IRAG2: variants seen among roughly 807,000 people sequenced by gnomAD.
IRAG2 encodes lymphoid restricted membrane protein.
Under a neutral mutation model 69.9 loss-of-function variants are expected in IRAG2, and 45 were observed. The ratio of observed to expected loss-of-function variants is 0.64; its 90% CI spans 0.51 to 0.83. IRAG2 has a LOEUF of 0.83. Ranked by LOEUF, IRAG2 falls within the 40% of genes least tolerant of loss-of-function variation. The pLI, the probability that IRAG2 is intolerant of heterozygous loss-of-function variation, is 0.00. For synonymous variants in IRAG2, 193 were observed against 202.4 expected, an observed-to-expected ratio of 0.95 and a Z score of 0.40; for missense variants, 520 against 587.0, an observed-to-expected ratio of 0.89 and a Z score of 1.18.
At chr12:25,022,456 T>C (rs1054265876) in intron 7 of IRAG2, among the ~76,000 whole-genome samples, 6 of 152,074 alleles carry the variant, frequency 3.9e-5, no homozygotes, top group Admixed American at 1.3e-4. Context: ...ATTGCACCAC[T>C]GCATTCCAGC....
rs1316127892 is a variant in IRAG2 at position 25,063,761 on chromosome 12, A to C, written c.-262A>C. The C allele has an allele frequency of 5.0e-6, 2 of 398,920 alleles. No homozygotes were observed. Among genetic ancestry groups the C allele is most frequent in the Non-Finnish European group, 8.8e-6 (2 of 226,062 alleles). 24.7% of individuals were successfully genotyped at this position (398,920 alleles called of 1,614,324 possible). A position where few individuals can be genotyped will look rare whatever the true frequency, so the allele number is the denominator to read the frequency against. ...AACTATATGGTGGTCAAGAAGCAAG[A>C]ATACATCAGACACCCCTGACCTTGA... On this transcript the variant is annotated 5_prime_UTR_variant, in exon 4 of 22. Coordinates refer to ENST00000556887, the MANE Select transcript of IRAG2 (RefSeq NM_001366544.2).
chr12:25,020,353 G>A (rs575495276), intron 6 of IRAG2, among the ~76,000 whole-genome samples: 1 of 152,138 alleles, frequency 6.6e-6, no homozygotes, highest in Non-Finnish European at 1.5e-5. Flanking sequence ...TCCCTCCATA[G>A]TATGTAAGCT....
intron 6 of IRAG2, chr12:25,020,735 C>A: frequency 2.3e-6 from 2 of 860,494 alleles, no homozygotes; most frequent in Non-Finnish European, 3.1e-6. Context: ...TTCTTAGTGT[C>A]TTTGACGGTT....
chr12:25,032,359 G>T (rs1021219980), exon 12 of IRAG2: 2 of 398,900 alleles, frequency 5.0e-6, no homozygotes, highest in Non-Finnish European at 8.8e-6. Flanking sequence ...CTTGCAACAG[G>T]CACTCATCAC....
At chr12:25,004,444 A>G (rs1308649900) in exon 1 of IRAG2, 3 of 1,232,018 alleles carry the variant, frequency 2.4e-6, no homozygotes, top group African/African-American at 3.1e-5. Context: ...TTCAAATCCA[A>G]TTCAGCAGAT....
At chr12:24,998,183 A>G in the IRAG2 span, among the ~76,000 whole-genome samples, 2 of 152,218 alleles carry the variant, frequency 1.3e-5, no homozygotes, top group African/African-American at 4.8e-5. Flanking sequence ...TCACTCTGCT[A>G]TTTTAGGAAT....
At chr12:25,103,241 T>C (rs1015873338) in intron 17 of IRAG2, 1 of 152,630 alleles carries the variant, frequency 6.6e-6, no homozygotes, top group African/African-American at 2.4e-5. Flanking sequence ...CAAGAAACAC[T>C]TTCATTCATT....
At chr12:25,014,155 G>A (rs866426484) in intron 3 of IRAG2, among the ~76,000 whole-genome samples, 6 of 151,748 alleles carry the variant, frequency 4.0e-5, no homozygotes, top group African/African-American at 9.7e-5. Context: ...GATTACAGGC[G>A]TGAGCCACCA....
At chr12:25,060,631 TAGG>T (rs1181875936) in intron 1 of IRAG2, among the ~76,000 whole-genome samples, 1 of 151,306 alleles carries the variant, frequency 6.6e-6, no homozygotes, top group Admixed American at 6.6e-5. Context: ...TCTTTATCAG[TAGG>T]AGGTCAGACT....
chr12:25,028,020 G>A (rs1365596136), intron 9 of IRAG2, among the ~76,000 whole-genome samples: 1 of 152,118 alleles, frequency 6.6e-6, no homozygotes, highest in Non-Finnish European at 1.5e-5. Flanking sequence ...CTGCCTCCAG[G>A]TTCAAGGGAT....
chr12:25,067,287 C>T (rs1049502967), intron 5 of IRAG2, among the ~76,000 whole-genome samples: 9 of 152,162 alleles, frequency 5.9e-5, no homozygotes, highest in Admixed American at 4.6e-4. Context: ...ACTGTAGTCT[C>T]AATACCACAC....
rs1235097771 is a variant in IRAG2 at position 25,079,695 on chromosome 12, T to C, written c.176T>C (p.Leu59Pro). 4 of 1,613,908 alleles carry C rather than the reference T, an allele frequency of 2.5e-6. No homozygotes were observed. The highest frequency in any genetic ancestry group is 3.4e-6 in the Non-Finnish European group (4 of 1,179,912). Residue 59 changes from leucine (L) to proline (P), a missense_variant, in exon 9 of 22, where the codon CTT becomes CCT. Transcript: ENST00000556887. ...ATTCTGAATATGGCTTCTTGTGACC[T>C]TGACAGAAACTCGCTCTGTAAGAAA... ...LEILNMASCD[L>P]DRNSLCKKEE...
At chr12:25,020,205 A>G (rs1944567038) in intron 6 of IRAG2, among the ~76,000 whole-genome samples, 1 of 152,254 alleles carries the variant, frequency 6.6e-6, no homozygotes, top group Non-Finnish European at 1.5e-5. Flanking sequence ...GATTACCATA[A>G]TTCATTTAAT....
exon 2 of IRAG2, chr12:25,005,333 G>A: frequency 8.2e-7 from 1 of 1,224,758 alleles, no homozygotes. Flanking sequence ...TATTTTTAAT[G>A]CATGTGACAT....
At chr12:25,011,002 AAATGT>A (rs1944470484) in intron 2 of IRAG2, among the ~76,000 whole-genome samples, 1 of 152,216 alleles carries the variant, frequency 6.6e-6, no homozygotes. Flanking sequence ...TGAAAGGAAA[AAATGT>A]AATGTCATTT....
chr12:25,004,075 G>A (rs1368743284), upstream of IRAG2, among the ~76,000 whole-genome samples: 1 of 152,120 alleles, frequency 6.6e-6, no homozygotes, highest in Non-Finnish European at 1.5e-5. Flanking sequence ...GAGTTGATGG[G>A]TGTGAAGAGC....
At chr12:25,101,788 G>A (rs1434924647) in intron 16 of IRAG2, 20 of 374,930 alleles carry the variant, frequency 5.3e-5, no homozygotes, top group Middle Eastern at 4.8e-4. Flanking sequence ...GTAACATATC[G>A]TTTCTATAAA....
upstream of IRAG2, among the ~76,000 whole-genome samples, chr12:25,049,870 C>A (rs2139871806): frequency 6.7e-6 from 1 of 150,294 alleles, no homozygotes; most frequent in Non-Finnish European, 1.5e-5. Flanking sequence ...GTAGTCCTAG[C>A]TACCCGGGAG....
intron 6 of IRAG2, among the ~76,000 whole-genome samples, chr12:25,073,878 A>C (rs575935932): frequency 6.6e-6 from 1 of 152,368 alleles, no homozygotes; most frequent in African/African-American, 2.4e-5. Flanking sequence ...AGTTTGAAAC[A>C]AGATTGGCCA....
Sources: allele counts gnomAD v4.1 joint callset (sites outside exome capture counted in the v4.1 genomes callset), GRCh38; gene constraint gnomAD v4.1.1; transcripts MANE v1.5; gene names NCBI Gene and HGNC (gene_info 2026-07-23, HGNC 2026-07-21).